Variants in SPEF2 observed in about 807,000 individuals in gnomAD.
The protein encoded by SPEF2 is sperm flagellar and cilia associated 2, also known as sperm flagella and cilia-associated protein 2.
SPEF2 carries 187 observed loss-of-function variants against 224.6 expected under a neutral mutation model. The ratio of observed to expected loss-of-function variants is 0.83; its 90% CI spans 0.74 to 0.94. SPEF2 has a LOEUF of 0.94. Among genes scored for constraint, SPEF2 ranks in the 40% least tolerant of loss-of-function variants. SPEF2 has a pLI of 0.00. For synonymous variants in SPEF2, 715 were observed against 707.3 expected, an observed-to-expected ratio of 1.01 and a Z score of -0.17; for missense variants, 2,170 against 2,135.6, an observed-to-expected ratio of 1.02 and a Z score of -0.32.
chr5:35,771,864 C>T (rs1408572325), intron 27 of SPEF2, 108 bp downstream of exon 27: 12 of 1,323,496 alleles, frequency 9.1e-6, no homozygotes, highest in Non-Finnish European at 1.2e-5. Context: ...TAAAATACTA[C>T]TCATTAGGTT....
intron 8 of SPEF2, among the ~76,000 whole-genome samples, chr5:35,659,469 A>C (rs1192233900): frequency 6.6e-6 from 1 of 152,072 alleles, no homozygotes; most frequent in African/African-American, 2.4e-5. Flanking sequence ...CCTTATGTCC[A>C]TGTCTCTCTA....
chr5:35,764,556 A>G (rs1322801911), intron 26 of SPEF2: 1 of 456,148 alleles, frequency 2.2e-6, no homozygotes, highest in Non-Finnish European at 4.4e-6. Flanking sequence ...TGGGTCTACC[A>G]AGATGTCTTC....
chr5:35,647,623 A>G (rs545278491), intron 5 of SPEF2, among the ~76,000 whole-genome samples: 1 of 152,250 alleles, frequency 6.6e-6, no homozygotes, highest in African/African-American at 2.4e-5. Context: ...ATCAAATTTC[A>G]CATGCGGTTT....
At chr5:35,627,632 A>G (rs1171005758) in intron 1 of SPEF2, among the ~76,000 whole-genome samples, 1 of 152,190 alleles carries the variant, frequency 6.6e-6, no homozygotes, top group East Asian at 1.9e-4. Context: ...AAAATTCTGC[A>G]CTTATCATTA....
intron 21 of SPEF2, among the ~76,000 whole-genome samples, chr5:35,736,914 CA>C (rs577946529): frequency 3.2e-5 from 1 of 31,438 alleles, no homozygotes; most frequent in South Asian, 1.6e-3. Context: ...CTGGAGCATC[CA>C]AAAAAATAAA....
At chr5:35,798,096 TG>T (rs1184222460) in intron 33 of SPEF2, among the ~76,000 whole-genome samples, 1 of 152,144 alleles carries the variant, frequency 6.6e-6, no homozygotes, top group African/African-American at 2.4e-5. Context: ...TGCCATCACC[TG>T]GAACAAGCCA....
At chr5:35,767,955 A>T (rs1192154372) in intron 26 of SPEF2, among the ~76,000 whole-genome samples, 2 of 151,560 alleles carry the variant, frequency 1.3e-5, no homozygotes, top group Non-Finnish European at 2.9e-5. Flanking sequence ...AGTCCTAGCC[A>T]TCTGTAATTG....
Position 35,806,900 on chromosome 5 carries a change from A to G in SPEF2, c.5204A>G (p.Gln1735Arg). The change falls in exon 35 of 37, where the codon CAG (glutamine) becomes CGG (arginine). Residue 1735 changes from glutamine (Q) to arginine (R), a missense_variant. Coordinates refer to ENST00000356031, the MANE Select transcript of SPEF2 (RefSeq NM_024867.4). ...LKVFKGGSEA[Q>R]DSNRFASHLK... Reference sequence around the variant, plus strand: ...GTGTTCAAAGGGGGAAGTGAAGCACAGGACTCCAATAGATTTGCCAGCCAC... The same window carrying G: ...GTGTTCAAAGGGGGAAGTGAAGCACGGGACTCCAATAGATTTGCCAGCCAC... 2 of 1,613,840 alleles carry G rather than the reference A, an allele frequency of 1.2e-6. No homozygotes were observed. The highest frequency in any genetic ancestry group is 2.2e-5 in the South Asian group (2 of 90,904).
rs1236646925 is a variant in SPEF2, at chr5:35,814,524, C to A, written c.5440C>A (p.Pro1814Thr). The A allele has an allele frequency of 6.2e-7, 1 of 1,607,420 alleles. No individual in the cohort carries two copies. Residue 1814 changes from proline to threonine, a missense_variant, in exon 37 of 37, where the codon CCT becomes ACT. Pro to Thr is a conservative substitution (Grantham distance 38, BLOSUM62 -1). Transcript: ENST00000356031. ...HVQGSDGERS[P>T]SRHTEEKK ...ACAAGGAAGTGATGGAGAGAGATCA[C>A]CTTCAAGACATACAGAGGAAAAGAA...
chr5:35,712,497 A>T (rs12697348), intron 19 of SPEF2, among the ~76,000 whole-genome samples: 114,318 of 152,100 alleles, frequency 0.75, 43,324 homozygotes, highest in Middle Eastern at 0.83. Context: ...TTTGTGATTA[A>T]CTTTTAAAAA....
chr5:35,669,003 G>A (rs1750881995), intron 9 of SPEF2, among the ~76,000 whole-genome samples: 1 of 152,026 alleles, frequency 6.6e-6, no homozygotes, highest in Admixed American at 6.6e-5. Flanking sequence ...AGGAGTTCAA[G>A]ACCCCTGAAC....
At position 35,708,878 on chromosome 5, in the gene SPEF2, T is replaced by C. The variant is rs1487731664; in HGVS notation, c.2666-70T>C. 3 of 1,340,116 alleles carry C rather than the reference T, an allele frequency of 2.2e-6. No homozygotes were observed. The African/African-American group carries it at 4.4e-5, about 20-fold the overall frequency. The allele number at this position is 1,340,116 out of a possible 1,614,324, so 83.0% of individuals were successfully genotyped here. ...ATTGTTTTATATTAATTTAGATTTC[T>C]CTTAGTTCAAGTGAAATAGTAGATT... is the stretch of plus-strand genomic sequence containing the variant. On this transcript the variant is annotated intron_variant, in intron 18 of 36. Transcript: ENST00000356031.
chr5:35,799,786 C>T (rs925214343), intron 33 of SPEF2, among the ~76,000 whole-genome samples, 182 bp from the exon 34 acceptor site: 1 of 152,116 alleles, frequency 6.6e-6, no homozygotes, highest in Non-Finnish European at 1.5e-5. Flanking sequence ...CAGGGCCCCA[C>T]TTTTACTGCT....
chr5:35,710,274 C>G, intron 19 of SPEF2: 3 of 983,102 alleles, frequency 3.1e-6, no homozygotes, highest in Non-Finnish European at 3.6e-6. Context: ...CTGGGGAAGA[C>G]AGGCCAAGCA....
At chr5:35,803,873 G>T (rs866442115) in intron 34 of SPEF2, among the ~76,000 whole-genome samples, 2 of 152,066 alleles carry the variant, frequency 1.3e-5, no homozygotes, top group Non-Finnish European at 2.9e-5. Context: ...TATTCAATGC[G>T]GCTCAGGCCT....
chr5:35,683,791 A>G (rs1424041957), intron 10 of SPEF2, among the ~76,000 whole-genome samples: 1 of 152,214 alleles, frequency 6.6e-6, no homozygotes, highest in Non-Finnish European at 1.5e-5. Context: ...CCTGAATCTT[A>G]TACTTACACC....
intron 24 of SPEF2, among the ~76,000 whole-genome samples, chr5:35,754,603 G>A (rs1750172897): frequency 6.6e-6 from 1 of 152,172 alleles, no homozygotes; most frequent in South Asian, 2.1e-4. Flanking sequence ...TGGTTTTTAG[G>A]TCCTTGAGAA....
At chr5:35,779,598 C>T (rs1040806966) in intron 30 of SPEF2, among the ~76,000 whole-genome samples, 1 of 152,158 alleles carries the variant, frequency 6.6e-6, no homozygotes, top group East Asian at 1.9e-4. Context: ...TCCTGTCCTC[C>T]CCGACCCTTG....
intron 21 of SPEF2, among the ~76,000 whole-genome samples, chr5:35,737,458 G>C (rs1404738378): frequency 6.8e-6 from 1 of 147,036 alleles, no homozygotes. Flanking sequence ...GTGAGAACAC[G>C]CAGTGGTTGG....
Sources: allele counts gnomAD v4.1 joint callset (sites outside exome capture counted in the v4.1 genomes callset), GRCh38; gene constraint gnomAD v4.1.1; transcripts MANE v1.5; gene names NCBI Gene and HGNC (gene_info 2026-07-23, HGNC 2026-07-21).